The following SH3KBP1 variants were observed in gnomAD, a reference collection of about 807,000 sequenced individuals.
SH3KBP1 encodes SH3 domain-containing kinase-binding protein 1.
Under a neutral mutation model 50.1 loss-of-function variants are expected in SH3KBP1, and 8 were observed. The ratio of observed to expected loss-of-function variants is 0.16; its 90% confidence interval spans 0.09 to 0.29. The LOEUF is 0.29. Among genes scored for constraint, SH3KBP1 ranks in the 10% least tolerant of loss-of-function variants. The pLI is 1.00. For missense variants in SH3KBP1, 377 were observed against 535.2 expected, an observed-to-expected ratio of 0.70 and a Z score of 2.92; for synonymous variants, 227 against 218.6, an observed-to-expected ratio of 1.04 and a Z score of -0.34.
chrX:19,598,339 A>T (rs1169875942), intron 9 of SH3KBP1, among the ~76,000 whole-genome samples: 1 of 110,751 alleles, frequency 9.0e-6, no homozygotes, highest in Non-Finnish European at 1.9e-5. Flanking sequence ...TGATCCTCCC[A>T]TCTTGGCCTT....
At position 19,545,842 on chromosome X, in the gene SH3KBP1, G is replaced by A. The variant is rs997846664; in HGVS notation, c.1623+80C>T. ...AATGACAAACACCTGCACTGTTTGT[G>A]TATCTTTGTTTGGTTTATAACCCAT... On this transcript the variant is annotated intron_variant, in intron 15 of 17. Coordinates refer to ENST00000397821, the MANE Select transcript of SH3KBP1 (RefSeq NM_031892.3). 1.3e-5 allele frequency: 14 copies of A among 1,061,373 alleles called. No homozygotes were observed. The Admixed American group carries it at 2.9e-4, about 22-fold the overall frequency. The allele number at this position is 1,061,373 out of a possible 1,213,427, so 87.5% of individuals were successfully genotyped here.
chrX:19,829,489 C>G (rs1301025937), intron 2 of SH3KBP1, among the ~76,000 whole-genome samples: 2 of 109,080 alleles, frequency 1.8e-5, no homozygotes, highest in South Asian at 4.0e-4. Flanking sequence ...TGGCTCATGC[C>G]TGTAATCCCA....
intron 9 of SH3KBP1, among the ~76,000 whole-genome samples, chrX:19,600,212 ATCTC>A (rs1443649968): frequency 1.8e-5 from 2 of 109,023 alleles, no homozygotes; most frequent in Non-Finnish European, 3.8e-5. Context: ...GTGAAAACCC[ATCTC>A]TACAAAAAAT....
intron 3 of SH3KBP1, among the ~76,000 whole-genome samples, chrX:19,729,485 C>A (rs1227811070): frequency 8.9e-6 from 1 of 112,416 alleles, no homozygotes; most frequent in African/African-American, 3.2e-5. Context: ...TCACCTCCAC[C>A]TGAGAGGATC....
At chrX:19,841,859 G>C (rs2068228085) in intron 1 of SH3KBP1, among the ~76,000 whole-genome samples, 1 of 87,291 alleles carries the variant, frequency 1.1e-5, no homozygotes, top group Non-Finnish European at 2.1e-5. Context: ...AAAAGAGAAA[G>C]CAGAGAAACC....
chrX:19,606,652 G>A (rs2067250607), intron 9 of SH3KBP1, among the ~76,000 whole-genome samples: 1 of 112,038 alleles, frequency 8.9e-6, no homozygotes, highest in Non-Finnish European at 1.9e-5. Flanking sequence ...TTCTACACTA[G>A]TGCTTCCTAT....
At chrX:19,765,792 T>C (rs2065586392) in intron 2 of SH3KBP1, among the ~76,000 whole-genome samples, 1 of 112,135 alleles carries the variant, frequency 8.9e-6, no homozygotes, top group Non-Finnish European at 1.9e-5. Context: ...ATACCTCATA[T>C]AGGTTAAGTC....
At chrX:19,678,348 G>C (rs1448896982) in intron 6 of SH3KBP1, among the ~76,000 whole-genome samples, 1 of 103,869 alleles carries the variant, frequency 9.6e-6, no homozygotes, top group East Asian at 2.9e-4. Context: ...AATTCCAGGA[G>C]GTTTTTTTTT....
rs59044973 is a variant in SH3KBP1, at chrX:19,682,333, TACACACACACAC to T, written c.726+1478_726+1489del. 4.3e-3 allele frequency among the ~76,000 whole-genome samples: 326 copies of T among 75,900 alleles called. 1 individual carries two copies. Among genetic ancestry groups the T allele is most frequent in the African/African-American group, 9.9e-3 (207 of 20,944 alleles). The allele number at this position is 75,900 out of a possible 115,157, so 65.9% of individuals were successfully genotyped here. A position where few individuals can be genotyped will look rare whatever the true frequency, so the allele number is the denominator to read the frequency against. ...ATATTAATAGCAATAATAAGAGTCATACACACACACACACACACACACACACACACACACACA... is the reference window on the plus strand; with the variant it reads ...ATATTAATAGCAATAATAAGAGTCATACACACACACACACACACACACACA... On this transcript the variant is annotated intron_variant, in intron 6 of 17. Transcript: ENST00000397821.
At position 19,774,654 on chromosome X, in the gene SH3KBP1, AAAAGAAAGAAAGAAAGAAAGAAAG is replaced by A. The variant is rs3999801; in HGVS notation, c.163-28237_163-28214del. On this transcript the variant is annotated intron_variant, in intron 2 of 17. Transcript: ENST00000397821. Reference sequence around the variant, plus strand: ...CCACTGCACTCCCCTGTCTCAAAAAAAAAGAAAGAAAGAAAGAAAGAAAGAAAGAAAGAAAGAAAGAAAGAAAGA... The same window carrying A: ...CCACTGCACTCCCCTGTCTCAAAAAAAAAGAAAGAAAGAAAGAAAGAAAGA... Among the ~76,000 whole-genome samples the A allele has an allele frequency of 8.7e-3, 675 of 77,277 alleles. 6 individuals are homozygous for A. The highest frequency in any genetic ancestry group is 0.023 in the African/African-American group (450 of 19,729). The allele number at this position is 77,277 out of a possible 115,157, so 67.1% of individuals were successfully genotyped here. A position where few individuals can be genotyped will look rare whatever the true frequency, so the allele number is the denominator to read the frequency against.
At chrX:19,674,410 G>A (rs1364253957) in intron 6 of SH3KBP1, among the ~76,000 whole-genome samples, 1 of 111,936 alleles carries the variant, frequency 8.9e-6, no homozygotes, top group Non-Finnish European at 1.9e-5. Flanking sequence ...ATCCATAAAA[G>A]GCATTCAATA....
intron 3 of SH3KBP1, among the ~76,000 whole-genome samples, chrX:19,713,600 A>G (rs1224980037): frequency 9.0e-6 from 1 of 110,991 alleles, no homozygotes; most frequent in Non-Finnish European, 1.9e-5. Flanking sequence ...ATAGTTGTAC[A>G]TTTTTAGGGG....
intron 3 of SH3KBP1, among the ~76,000 whole-genome samples, chrX:19,720,624 CCTCT>C (rs756482328): frequency 9.0e-6 from 1 of 111,656 alleles, no homozygotes; most frequent in East Asian, 2.8e-4. Context: ...CAACATACTC[CCTCT>C]AACATATCTA....
intron 2 of SH3KBP1, among the ~76,000 whole-genome samples, chrX:19,811,047 T>C (rs953533424): frequency 1.8e-5 from 2 of 111,853 alleles, no homozygotes; most frequent in African/African-American, 6.5e-5. Flanking sequence ...TAACACAGAG[T>C]AGCTGAAACT....
chrX:19,616,519 C>T (rs965593626), intron 8 of SH3KBP1, among the ~76,000 whole-genome samples: 1 of 111,942 alleles, frequency 8.9e-6, no homozygotes, highest in African/African-American at 3.3e-5. Flanking sequence ...TACTCAGAAA[C>T]ACCCCTATGT....
intron 4 of SH3KBP1, among the ~76,000 whole-genome samples, chrX:19,697,770 C>G (rs927312504): frequency 9.0e-6 from 1 of 111,700 alleles, no homozygotes; most frequent in African/African-American, 3.3e-5. Flanking sequence ...GGCAGCCATA[C>G]TTAGGGGACA....
chrX:19,603,433 C>T (rs913559150), intron 9 of SH3KBP1, among the ~76,000 whole-genome samples: 1 of 112,057 alleles, frequency 8.9e-6, no homozygotes, highest in Non-Finnish European at 1.9e-5. Context: ...CTGCCTGCTA[C>T]CTGATTAAGT....
At chrX:19,594,590 A>G (rs911675387) in intron 10 of SH3KBP1, among the ~76,000 whole-genome samples, 2 of 111,848 alleles carry the variant, frequency 1.8e-5, no homozygotes, top group Admixed American at 1.9e-4. Context: ...GCTGACCTTC[A>G]ACTGGGCACA....
rs185111733 is a variant in SH3KBP1, at chrX:19,829,001, A to G, written c.162+7124T>C. Among the ~76,000 whole-genome samples the G allele has an allele frequency of 9.0e-3, 1,003 of 111,015 alleles. 18 individuals are homozygous for G. Among genetic ancestry groups the G allele is most frequent in the African/African-American group, 0.031 (951 of 30,479 alleles). ...GTATGGCACCTCCTCCCCTCACCCA[A>G]TGGAAGCCACAACTTTACACAGAGA... On this transcript the variant is annotated intron_variant, in intron 2 of 17. Transcript: ENST00000397821.
Sources: gnomAD v4.1 joint callset for allele counts (sites outside exome capture counted in the v4.1 genomes callset) on GRCh38, gnomAD v4.1.1 for gene constraint, MANE v1.5 for transcripts, NCBI Gene and HGNC (gene_info 2026-07-23, HGNC 2026-07-21) for gene names.